Variants in PCDHGA4 observed in about 807,000 individuals in gnomAD.
PCDHGA4 encodes protocadherin gamma-A4.
A neutral mutation model predicts 54.6 loss-of-function variants in PCDHGA4; 38 were observed. The observed-to-expected ratio is 0.70, with a 90% CI of 0.54 to 0.91. The LOEUF is 0.91. Ranked by LOEUF, PCDHGA4 falls within the 40% of genes least tolerant of loss-of-function variation. The probability of loss-of-function intolerance (pLI) is 0.00; values close to 1 mark genes in which losing one functional copy is unlikely to be tolerated. For missense variants in PCDHGA4, 1,298 were observed against 1,220.9 expected (o/e 1.06, Z -0.94); for synonymous variants, 511 against 512.9 (o/e 1.00, Z 0.05).
intron 1 of PCDHGA4, chr5:141,408,333 G>T (rs746692686): frequency 3.7e-6 from 6 of 1,613,924 alleles, no homozygotes; most frequent in Admixed American, 3.3e-5. Flanking sequence ...CTGGCCAAGG[G>T]CTCGGTGGTG....
At chr5:141,402,935 T>G in intron 1 of PCDHGA4, 1 of 1,587,712 alleles carries the variant, frequency 6.3e-7, no homozygotes, top group Non-Finnish European at 8.6e-7. Context: ...TTTGAGAAAA[T>G]TCCAAAGCGA....
chr5:141,385,351 T>C, intron 1 of PCDHGA4: 1 of 1,555,976 alleles, frequency 6.4e-7, no homozygotes, highest in Non-Finnish European at 8.7e-7. Flanking sequence ...TTTATTTCCA[T>C]GAGGAATTTA....
chr5:141,407,616 C>T (rs752226894), intron 1 of PCDHGA4, among the ~76,000 whole-genome samples: 3 of 151,970 alleles, frequency 2.0e-5, no homozygotes, highest in Non-Finnish European at 4.4e-5. Flanking sequence ...CATTGGTTGA[C>T]ATTCTATATC....
chr5:141,403,762 T>G (rs1217388200), intron 1 of PCDHGA4: 1 of 1,613,854 alleles, frequency 6.2e-7, no homozygotes, highest in Non-Finnish European at 8.5e-7. Flanking sequence ...GCGACCTGGA[T>G]GAGGGAATCA....
intron 1 of PCDHGA4, chr5:141,478,523 G>T (rs2099461821): frequency 6.2e-7 from 1 of 1,609,908 alleles, no homozygotes; most frequent in Non-Finnish European, 8.5e-7. Context: ...GGTGTTGGGT[G>T]CAGAGAGCGC....
At chr5:141,396,724 A>G (rs957039654) in intron 1 of PCDHGA4, 1 of 152,212 alleles carries the variant, frequency 6.6e-6, no homozygotes, top group African/African-American at 2.4e-5. Flanking sequence ...TAATACCTGA[A>G]TTGATTGTTG....
At chr5:141,497,768 G>A (rs920949258) in intron 2 of PCDHGA4, among the ~76,000 whole-genome samples, 8 of 152,070 alleles carry the variant, frequency 5.3e-5, no homozygotes, top group East Asian at 1.9e-4. Flanking sequence ...CAAACTCCCC[G>A]ACCTCAACTG....
chr5:141,442,894 C>T (rs1173211061), intron 1 of PCDHGA4, among the ~76,000 whole-genome samples: 1 of 152,204 alleles, frequency 6.6e-6, no homozygotes, highest in Non-Finnish European at 1.5e-5. Flanking sequence ...CCCTGCTTAT[C>T]ACTTCTCCTT....
intron 1 of PCDHGA4, chr5:141,423,723 T>C: frequency 8.5e-7 from 1 of 1,174,478 alleles, no homozygotes; most frequent in Non-Finnish European, 1.1e-6. Context: ...TAAGGAGATG[T>C]TTTTTGAGCC....
intron 1 of PCDHGA4, chr5:141,395,097 G>C (rs376460647): frequency 1.9e-6 from 3 of 1,614,158 alleles, no homozygotes; most frequent in Non-Finnish European, 2.5e-6. Flanking sequence ...CCTCACCGCC[G>C]ACTCGCGGAA....
At chr5:141,366,297 C>G in intron 1 of PCDHGA4, 1 of 1,613,766 alleles carries the variant, frequency 6.2e-7, no homozygotes. Flanking sequence ...CCTCTGTCAG[C>G]CACCTTCACG....
intron 1 of PCDHGA4, among the ~76,000 whole-genome samples, chr5:141,435,590 A>G (rs1005651004): frequency 3.3e-5 from 5 of 152,210 alleles, no homozygotes; most frequent in African/African-American, 7.2e-5. Context: ...TTGCAGTAAT[A>G]TCGCCTGCTT....
At chr5:141,383,449 A>C (rs1231609078) in intron 1 of PCDHGA4, 1 of 1,613,892 alleles carries the variant, frequency 6.2e-7, no homozygotes, top group South Asian at 1.1e-5. Context: ...GGCTGTGCAA[A>C]GTGGAGACGA....
chr5:141,383,352 G>T lies in PCDHGA4; in HGVS notation c.2514+25731G>T, dbSNP rs115561507. On this transcript the variant is annotated intron_variant, in intron 1 of 3. Coordinates refer to ENST00000571252, the MANE Select transcript of PCDHGA4 (RefSeq NM_018917.4). ...TGGAGAATACAGCTCCTGGGGTTCG[G>T]TTTCCGTTAAGCGAGGCTGGGGATC... The T allele has an allele frequency of 9.3e-4, 1,504 of 1,614,018 alleles. 9 individuals carry two copies. In the African/African-American group the frequency reaches 0.016, roughly 17 times the overall value.
chr5:141,501,544 G>T (rs1297191346), intron 2 of PCDHGA4, among the ~76,000 whole-genome samples: 3 of 151,962 alleles, frequency 2.0e-5, no homozygotes, highest in African/African-American at 7.3e-5. Flanking sequence ...TTGTGCATAA[G>T]ATCATAGGCC....
intron 1 of PCDHGA4, chr5:141,393,035 CTT>C: frequency 6.2e-7 from 1 of 1,613,790 alleles, no homozygotes; most frequent in South Asian, 1.1e-5. Flanking sequence ...GGACGCAGCT[CTT>C]TGCTCTGAAC....
At position 141,432,247 on chromosome 5, in the gene PCDHGA4, C is replaced by G. The variant is rs139910620; in HGVS notation, c.2515-62560C>G. 61 of 1,614,264 alleles carry G rather than the reference C, an allele frequency of 3.8e-5. No homozygotes were observed. The African/African-American group carries it at 6.3e-4, about 17-fold the overall frequency. On this transcript the variant is annotated intron_variant, in intron 1 of 3. Transcript: ENST00000571252. The surrounding 1 kb of genome is among the most constrained non-coding windows in gnomAD (Gnocchi z 6.0). ...CTTATTCCCTGGCTGAGAACACCAT[C>G]CAAGGGGCAAGCCTATCGTCCTACG...
chr5:141,466,975 A>G (rs769024064), intron 1 of PCDHGA4, among the ~76,000 whole-genome samples: 1 of 151,842 alleles, frequency 6.6e-6, no homozygotes, highest in Non-Finnish European at 1.5e-5. Flanking sequence ...CTCACAGCTC[A>G]TCATTTACCT....
intron 1 of PCDHGA4, chr5:141,478,323 G>T (rs1234175290): frequency 1.2e-6 from 2 of 1,613,958 alleles, no homozygotes; most frequent in African/African-American, 2.7e-5. Context: ...TCACTGTACC[G>T]AACACCAGGG....
Sources: allele counts gnomAD v4.1 joint callset (sites outside exome capture counted in the v4.1 genomes callset), GRCh38; gene constraint gnomAD v4.1.1; non-coding constraint Gnocchi (gnomAD v3.1); transcripts MANE v1.5; gene names NCBI Gene and HGNC (gene_info 2026-07-23, HGNC 2026-07-21).